Variants in RIMBP2 observed in about 807,000 individuals in gnomAD.
RIMBP2 encodes the protein RIMS binding protein 2, also known as RIMS-binding protein 2.
RIMBP2 carries 48 observed loss-of-function variants against 118.6 expected under a neutral mutation model. The observed-to-expected ratio is 0.40, with a 90% confidence interval of 0.32 to 0.51. RIMBP2 has a LOEUF of 0.51. Among genes scored for constraint, RIMBP2 ranks in the 20% least tolerant of loss-of-function variants. The pLI is 0.41. For missense variants in RIMBP2, 1,551 were observed against 1,768.3 expected (o/e 0.88, Z 2.20); for synonymous variants, 762 against 742.9 (o/e 1.03, Z -0.42).
chr12:130,497,372 G>A (rs750557649), intron 4 of RIMBP2, among the ~76,000 whole-genome samples: 1 of 152,190 alleles, frequency 6.6e-6, no homozygotes, highest in African/African-American at 2.4e-5. Flanking sequence ...ACCAGTCCCT[G>A]CCTCTAACTG....
intron 2 of RIMBP2, among the ~76,000 whole-genome samples, chr12:130,603,496 A>C (rs1314892692): frequency 1.3e-5 from 2 of 152,236 alleles, no homozygotes; most frequent in Non-Finnish European, 2.9e-5. Flanking sequence ...CAGATCAAAA[A>C]TAGAAGATGC....
At position 130,511,933 on chromosome 12, in the gene RIMBP2, T is replaced by C. The variant is rs1159563540; in HGVS notation, c.-126-5163A>G. Among the ~76,000 whole-genome samples the C allele has an allele frequency of 1.3e-5, 2 of 152,144 alleles. No individual in the cohort carries two copies. The highest frequency in any genetic ancestry group is 3.9e-4 in the East Asian group (2 of 5,162). ...CCAGGGTCACCACCTCTGGGCTTCC[T>C]GAGCACAACAGTGCCCTTCGTATGA... On this transcript the variant is annotated intron_variant, in intron 3 of 22. Transcript: ENST00000690449. This position sits in a 1 kb window ranked among gnomAD's most constrained non-coding sequence, Gnocchi z 4.3.
intron 2 of RIMBP2, among the ~76,000 whole-genome samples, chr12:130,549,896 T>C (rs1163257410): frequency 6.6e-6 from 1 of 152,174 alleles, no homozygotes; most frequent in African/African-American, 2.4e-5. Flanking sequence ...GCTGGGTCCA[T>C]GGTATTTCTG....
At chr12:130,661,744 T>C (rs1381395563) in intron 1 of RIMBP2, among the ~76,000 whole-genome samples, 1 of 152,194 alleles carries the variant, frequency 6.6e-6, no homozygotes, top group Non-Finnish European at 1.5e-5. Context: ...TGGTAACTGA[T>C]GAATCAGAGC....
Position 130,437,032 on chromosome 12 carries a change from T to C in RIMBP2, c.1916A>G (p.Asp639Gly). Residue 639 changes from aspartate to glycine, a missense_variant, in exon 13 of 23, where the codon GAT becomes GGT. Physicochemically the swap from Asp to Gly is moderately conservative, Grantham distance 94. Around this residue, in one of 5 missense-constraint regions of RIMBP2, gnomAD observed 1,038 missense variants for 1,125.1 expected, o/e 0.92. Transcript: ENST00000690449. ...DEHLGPHARM[D>G]EAWEQSRAPG... ...TGCACGGCTCTGCTCCCAGGCCTCA[T>C]CCATCCTGGCGTGGGGACCCAGGTG... 2 of 1,583,746 alleles carry C rather than the reference T, an allele frequency of 1.3e-6. No individual in the cohort carries two copies. Among genetic ancestry groups the C allele is most frequent in the Non-Finnish European group, 1.7e-6 (2 of 1,162,798 alleles).
chr12:130,639,074 T>C (rs2062482269), intron 1 of RIMBP2, among the ~76,000 whole-genome samples: 1 of 152,180 alleles, frequency 6.6e-6, no homozygotes, highest in African/African-American at 2.4e-5. Context: ...AGTTTTTCTG[T>C]AAACCTAAAA....
chr12:130,675,338 G>A (rs911719957), intron 1 of RIMBP2, among the ~76,000 whole-genome samples: 28 of 152,164 alleles, frequency 1.8e-4, no homozygotes, highest in African/African-American at 5.8e-4. Flanking sequence ...CGTGGAGCAG[G>A]CCTCCCCACC....
chr12:130,680,973 T>C (rs12581672), intron 1 of RIMBP2, among the ~76,000 whole-genome samples: 4,672 of 152,356 alleles, frequency 0.031, 128 homozygotes, highest in East Asian at 0.11. Flanking sequence ...TGCAGAGGAA[T>C]ACTCATCTCT....
chr12:130,453,247 C>T (rs150989859), intron 7 of RIMBP2, among the ~76,000 whole-genome samples: 24 of 152,302 alleles, frequency 1.6e-4, no homozygotes, highest in African/African-American at 5.3e-4. Flanking sequence ...CTGACTGCAG[C>T]GCCTCACTCT....
rs538604259 is a variant in RIMBP2, at chr12:130,434,434, G to A, written c.2253+300C>T. On this transcript the variant is annotated intron_variant, in intron 14 of 22. Transcript: ENST00000690449. The surrounding 1 kb of genome is among the most constrained non-coding windows in gnomAD (Gnocchi z 5.7). ...GCGAATGGCAGGTTCTGCCTGAACT[G>A]AGCCTAACCCTACCCGGACCTGCAA... Among the ~76,000 whole-genome samples, 5 of 152,302 alleles carry A rather than the reference G, an allele frequency of 3.3e-5. No individual in the cohort carries two copies. The highest frequency in any genetic ancestry group is 2.1e-4 in the South Asian group (1 of 4,832).
intron 2 of RIMBP2, among the ~76,000 whole-genome samples, chr12:130,520,857 G>A (rs1355337118): frequency 6.6e-6 from 1 of 152,120 alleles, no homozygotes; most frequent in Non-Finnish European, 1.5e-5. Flanking sequence ...AAACAGCAAA[G>A]GTACCAGCTT....
chr12:130,695,895 C>T (rs1427899458), intron 1 of RIMBP2, among the ~76,000 whole-genome samples: 1 of 151,702 alleles, frequency 6.6e-6, no homozygotes, highest in East Asian at 1.9e-4. Context: ...CATGGTTGAT[C>T]CCAAGGCTTT....
chr12:130,673,112 G>A (rs933745703), intron 1 of RIMBP2, among the ~76,000 whole-genome samples: 31 of 152,208 alleles, frequency 2.0e-4, no homozygotes, highest in Admixed American at 1.3e-4. Context: ...GCCTGCTCCC[G>A]CCCTTCCTGA....
At chr12:130,651,404 T>C (rs1479862568) in intron 1 of RIMBP2, 1 of 152,276 alleles carries the variant, frequency 6.6e-6, no homozygotes, top group African/African-American at 2.4e-5. Context: ...GTTCTTCCCA[T>C]GTGCAAGGCA....
chr12:130,464,302 G>A (rs4522206), intron 6 of RIMBP2, among the ~76,000 whole-genome samples: 21 of 152,214 alleles, frequency 1.4e-4, no homozygotes, highest in South Asian at 8.3e-4. Context: ...GCTGCTTTCC[G>A]GTAACATTAG....
chr12:130,513,655 C>A, intron 3 of RIMBP2, among the ~76,000 whole-genome samples: 1 of 152,200 alleles, frequency 6.6e-6, no homozygotes, highest in East Asian at 1.9e-4. Flanking sequence ...CCCAGCTCAT[C>A]GGTTTCCTCC....
At chr12:130,692,738 G>A (rs2065368348) in intron 1 of RIMBP2, among the ~76,000 whole-genome samples, 1 of 151,868 alleles carries the variant, frequency 6.6e-6, no homozygotes, top group South Asian at 2.1e-4. Flanking sequence ...TGGAATAGGT[G>A]GAATGGGGTA....
chr12:130,474,882 A>G (rs539976881), intron 5 of RIMBP2, among the ~76,000 whole-genome samples: 4 of 152,282 alleles, frequency 2.6e-5, no homozygotes, highest in Admixed American at 6.5e-5. Context: ...CTGTTCTCAC[A>G]CCGTCCCACT....
chr12:130,580,906 A>G (rs572052001), intron 2 of RIMBP2, among the ~76,000 whole-genome samples: 1 of 151,946 alleles, frequency 6.6e-6, no homozygotes, highest in East Asian at 1.9e-4. Context: ...AGCCCGGGAG[A>G]CAGAGTGAGA....
Sources: allele counts gnomAD v4.1 joint callset (sites outside exome capture counted in the v4.1 genomes callset), GRCh38; gene constraint gnomAD v4.1.1; regional missense constraint gnomAD v4.1.1; non-coding constraint Gnocchi (gnomAD v3.1); transcripts MANE v1.5; gene names NCBI Gene and HGNC (gene_info 2026-07-23, HGNC 2026-07-21).